The following SBF2 variants were observed in gnomAD, a reference collection of about 807,000 sequenced individuals.
SBF2 encodes myotubularin-related protein 13.
SBF2 carries 112 observed loss-of-function variants against 225.2 expected under a neutral mutation model. That is an observed-to-expected ratio of 0.50 (90% CI 0.43 to 0.58). The LOEUF (loss-of-function observed/expected upper bound fraction) is 0.58, where lower values mean the gene tolerates loss of function less well. Ranked by LOEUF, SBF2 falls within the 20% of genes least tolerant of loss-of-function variation. The probability of loss-of-function intolerance (pLI) is 0.00; values close to 1 mark genes in which losing one functional copy is unlikely to be tolerated. For synonymous variants in SBF2, 763 were observed against 773.3 expected, an observed-to-expected ratio of 0.99 and a Z score of 0.22; for missense variants, 1,996 against 2,206.2, an observed-to-expected ratio of 0.90 and a Z score of 1.91.
intron 2 of SBF2, among the ~76,000 whole-genome samples, chr11:10,149,777 C>G: frequency 6.6e-6 from 1 of 152,244 alleles, no homozygotes; most frequent in East Asian, 1.9e-4. Flanking sequence ...GTGGCTTACA[C>G]AACAAAAGTT....
chr11:10,297,487 A>G (rs1167900915), upstream of SBF2, among the ~76,000 whole-genome samples: 1 of 152,222 alleles, frequency 6.6e-6, no homozygotes, highest in African/African-American at 2.4e-5. Context: ...AGGTGAGATG[A>G]AGATTTACTG....
chr11:10,049,107 G>A (rs896030897), intron 2 of SBF2, among the ~76,000 whole-genome samples: 1 of 152,142 alleles, frequency 6.6e-6, no homozygotes, highest in Non-Finnish European at 1.5e-5. Flanking sequence ...AATCACAAGA[G>A]CTTGAATGCA....
chr11:10,102,041 G>A (rs1172691181), intron 2 of SBF2, among the ~76,000 whole-genome samples: 2 of 152,060 alleles, frequency 1.3e-5, no homozygotes, highest in Non-Finnish European at 2.9e-5. Flanking sequence ...CAGAAGACAC[G>A]TGATTTTAGT....
At chr11:10,208,395 G>A (rs770562326) in intron 1 of SBF2, among the ~76,000 whole-genome samples, 20 of 151,996 alleles carry the variant, frequency 1.3e-4, no homozygotes, top group South Asian at 2.1e-4. Flanking sequence ...AAGAACTCCC[G>A]GCTACTTCAT....
At chr11:9,942,901 G>GAGAGAAAGAAAGAAAGAAAGAAAGAA (rs1209099295) in intron 16 of SBF2, among the ~76,000 whole-genome samples, 4 of 101,310 alleles carry the variant, frequency 3.9e-5, no homozygotes, top group African/African-American at 1.4e-4. Flanking sequence ...AAGAGAGAGA[G>GAGAGAAAGAAAGAAAGAAAGAAAGAA]AGAAAGAAAG....
chr11:10,254,827 A>C (rs1960708019), intron 1 of SBF2, among the ~76,000 whole-genome samples: 2 of 137,782 alleles, frequency 1.5e-5, no homozygotes, highest in Non-Finnish European at 3.1e-5. Context: ...CTTGAACCCA[A>C]GAGGTGGAGG....
chr11:10,115,941 C>T (rs1284826443), intron 2 of SBF2, among the ~76,000 whole-genome samples: 2 of 152,004 alleles, frequency 1.3e-5, no homozygotes, highest in Non-Finnish European at 2.9e-5. Context: ...CCGAGGCAGG[C>T]AGATCACGAG....
At chr11:9,970,598 G>A (rs1402422438) in intron 13 of SBF2, among the ~76,000 whole-genome samples, 1 of 152,124 alleles carries the variant, frequency 6.6e-6, no homozygotes, top group East Asian at 1.9e-4. Flanking sequence ...TAGCTAGTAT[G>A]CCTCAGCAAT....
intron 1 of SBF2, among the ~76,000 whole-genome samples, chr11:10,250,189 T>G (rs964451901): frequency 6.6e-6 from 1 of 152,168 alleles, no homozygotes; most frequent in Non-Finnish European, 1.5e-5. Context: ...GAAAATACTT[T>G]GCCAGATTTT....
chr11:10,228,247 T>C (rs1278383309), intron 1 of SBF2, among the ~76,000 whole-genome samples: 2 of 152,230 alleles, frequency 1.3e-5, no homozygotes, highest in Non-Finnish European at 2.9e-5. Context: ...TTTCTAGATA[T>C]ACAATCATGT....
chr11:10,032,249 T>G, intron 3 of SBF2, among the ~76,000 whole-genome samples: 1 of 152,156 alleles, frequency 6.6e-6, no homozygotes, highest in East Asian at 1.9e-4. Context: ...CCCAAAATCG[T>G]GATTCCCCTC....
chr11:10,138,430 G>C (rs1954487683), intron 2 of SBF2, among the ~76,000 whole-genome samples: 1 of 151,880 alleles, frequency 6.6e-6, no homozygotes, highest in Admixed American at 6.6e-5. Context: ...GTGTTTCATT[G>C]ATTTTTCTCT....
chr11:10,281,434 T>C (rs1416500929), intron 1 of SBF2, among the ~76,000 whole-genome samples: 5 of 152,214 alleles, frequency 3.3e-5, no homozygotes, highest in Non-Finnish European at 7.3e-5. Flanking sequence ...TACATCCAAC[T>C]GACCAGAACT....
chr11:9,998,450 T>G, intron 8 of SBF2, 71 bp from the exon 9 acceptor site: 1 of 845,476 alleles, frequency 1.2e-6, no homozygotes, highest in South Asian at 1.4e-5. Flanking sequence ...ATTTTTCCCT[T>G]GACTAATTCA....
At chr11:10,190,989 A>G (rs1375452207) in intron 2 of SBF2, among the ~76,000 whole-genome samples, 1 of 152,318 alleles carries the variant, frequency 6.6e-6, no homozygotes, top group South Asian at 2.1e-4. Flanking sequence ...GTTAGATCTC[A>G]GTAAAGTTAT....
intron 17 of SBF2, among the ~76,000 whole-genome samples, chr11:9,892,582 G>T (rs1445071774): frequency 6.8e-6 from 1 of 147,592 alleles, no homozygotes. Context: ...TTTTTTAGAC[G>T]GAGTTTTGCT....
In SBF2 at chr11:9,784,392, A is replaced by C; in HGVS notation, c.5278T>G (p.Trp1760Gly). 4 of 1,614,170 alleles carry C rather than the reference A, an allele frequency of 2.5e-6. No individual in the cohort carries two copies. Among genetic ancestry groups the C allele is most frequent in the Non-Finnish European group, 3.4e-6 (4 of 1,179,978 alleles). The change falls in exon 38 of 40, where the codon TGG (tryptophan) becomes GGG (glycine). Residue 1760 changes from tryptophan (W) to glycine (G), a missense_variant. Physicochemically the swap from Trp to Gly is radical, Grantham distance 184. Coordinates refer to ENST00000256190, the MANE Select transcript of SBF2 (RefSeq NM_030962.4). ...LYKRGALLKGWKPRWFVLDVT... is the reference protein window; with the variant it reads ...LYKRGALLKGGKPRWFVLDVT... ...TCCAAAACAAACCAACGGGGCTTCC[A>C]ACCTTTCAGCAAAGCCCCTCTTTTA...
intron 1 of SBF2, among the ~76,000 whole-genome samples, chr11:10,199,161 G>T (rs1409765855): frequency 6.6e-6 from 1 of 152,122 alleles, no homozygotes; most frequent in Non-Finnish European, 1.5e-5. Flanking sequence ...CCATTGTAAA[G>T]TCATCAACTA....
At chr11:10,065,227 T>A (rs1950585690) in intron 2 of SBF2, among the ~76,000 whole-genome samples, 1 of 151,492 alleles carries the variant, frequency 6.6e-6, no homozygotes, top group African/African-American at 2.4e-5. Flanking sequence ...TAAATGAAAA[T>A]GAAAACAACC....
Sources: allele counts gnomAD v4.1 joint callset (sites outside exome capture counted in the v4.1 genomes callset), GRCh38; gene constraint gnomAD v4.1.1; transcripts MANE v1.5; gene names NCBI Gene and HGNC (gene_info 2026-07-23, HGNC 2026-07-21).